The following ROBO1 variants were observed in gnomAD, a reference collection of about 807,000 sequenced individuals.
ROBO1 encodes the protein roundabout homolog 1.
ROBO1 carries 149 observed loss-of-function variants against 195.9 expected under a neutral mutation model. The ratio of observed to expected loss-of-function variants is 0.76; its 90% CI spans 0.67 to 0.87. The LOEUF (loss-of-function observed/expected upper bound fraction) is 0.87. Ranked by LOEUF, ROBO1 falls within the 40% of genes least tolerant of loss-of-function variation. The probability of loss-of-function intolerance (pLI) is 0.00; values close to 1 mark genes in which losing one functional copy is unlikely to be tolerated. For synonymous variants in ROBO1, 816 were observed against 733.2 expected (o/e 1.11, Z -1.82); for missense variants, 1,933 against 2,068.3 (o/e 0.93, Z 1.27).
chr3:78,933,431 TC>T (rs916488726), intron 4 of ROBO1, among the ~76,000 whole-genome samples: 1 of 152,154 alleles, frequency 6.6e-6, no homozygotes, highest in African/African-American at 2.4e-5. Flanking sequence ...TCTGCTTTTT[TC>T]CCATCAAATA....
chr3:79,433,248 T>G (rs193254683), intron 2 of ROBO1, among the ~76,000 whole-genome samples: 74 of 152,260 alleles, frequency 4.9e-4, no homozygotes, highest in Admixed American at 4.6e-4. Flanking sequence ...TTCTCATCAT[T>G]CAGCTCCCAC....
intron 2 of ROBO1, among the ~76,000 whole-genome samples, chr3:79,523,472 CTTT>C (rs11357932): frequency 3.0e-5 from 3 of 100,434 alleles, no homozygotes; most frequent in Non-Finnish European, 3.8e-5. Flanking sequence ...TTTTTTTTTT[CTTT>C]TTTTTTTTTT....
chr3:78,625,286 A>C (rs1333530315), intron 26 of ROBO1, among the ~76,000 whole-genome samples: 1 of 152,214 alleles, frequency 6.6e-6, no homozygotes, highest in Non-Finnish European at 1.5e-5. Flanking sequence ...GCTAGGAAAA[A>C]ACTAAATAGG....
intron 4 of ROBO1, among the ~76,000 whole-genome samples, chr3:78,816,819 ACTT>A (rs2030006043): frequency 6.6e-6 from 1 of 152,072 alleles, no homozygotes; most frequent in South Asian, 2.1e-4. Flanking sequence ...ATGAAGAGTC[ACTT>A]CTTATGGATA....
chr3:79,390,103 A>G (rs1319651100), intron 2 of ROBO1, among the ~76,000 whole-genome samples: 1 of 152,142 alleles, frequency 6.6e-6, no homozygotes, highest in Non-Finnish European at 1.5e-5. Flanking sequence ...TCAATAAAAA[A>G]TTCTATATTT....
chr3:79,606,286 T>G (rs1268261329), intron 1 of ROBO1, among the ~76,000 whole-genome samples: 1 of 151,898 alleles, frequency 6.6e-6, no homozygotes, highest in Admixed American at 6.6e-5. Context: ...AGGATTCGGC[T>G]CCCTCATGTG....
At chr3:79,331,958 C>G (rs1049899120) in intron 2 of ROBO1, among the ~76,000 whole-genome samples, 1 of 151,956 alleles carries the variant, frequency 6.6e-6, no homozygotes, top group African/African-American at 2.4e-5. Flanking sequence ...CTGGCTAACA[C>G]GGTGAAACCC....
At chr3:79,513,895 T>C (rs1461937958) in intron 2 of ROBO1, among the ~76,000 whole-genome samples, 1 of 152,242 alleles carries the variant, frequency 6.6e-6, no homozygotes, top group Non-Finnish European at 1.5e-5. Context: ...TGAACATTTT[T>C]ATCCTTTTAT....
intron 2 of ROBO1, among the ~76,000 whole-genome samples, chr3:79,156,146 G>A (rs1337962104): frequency 1.3e-5 from 2 of 151,462 alleles, no homozygotes; most frequent in Non-Finnish European, 3.0e-5. Context: ...ATGGAATTCC[G>A]TTTATTCTGC....
At chr3:79,041,479 T>C (rs999019601) in intron 3 of ROBO1, among the ~76,000 whole-genome samples, 2 of 152,150 alleles carry the variant, frequency 1.3e-5, no homozygotes, top group African/African-American at 4.8e-5. Context: ...CAGAAACTTT[T>C]TTTTTTTTTG....
rs145315593 is a variant in ROBO1 at position 79,473,128 on chromosome 3, T to G, written c.88+116696A>C. Among the ~76,000 whole-genome samples the G allele has an allele frequency of 5.3e-5, 8 of 152,254 alleles. No individual in the cohort carries two copies. In the East Asian group the frequency reaches 1.5e-3, roughly 29 times the overall value. On this transcript the variant is annotated intron_variant, in intron 2 of 30. Coordinates refer to ENST00000464233, the MANE Select transcript of ROBO1 (RefSeq NM_002941.4). ...AAAGTAAAGTCTTTGCAGACATAAT[T>G]AAGATACAGGTGTCTTGTGTTTAAG... is the stretch of plus-strand genomic sequence containing the variant.
intron 2 of ROBO1, chr3:79,508,101 T>C (rs1940503495): frequency 6.6e-6 from 1 of 151,722 alleles, no homozygotes. Flanking sequence ...CTGGGGCCTG[T>C]TGGGGGGTGG....
chr3:78,802,145 G>A (rs1285296004), intron 4 of ROBO1, among the ~76,000 whole-genome samples: 1 of 152,112 alleles, frequency 6.6e-6, no homozygotes, highest in African/African-American at 2.4e-5. Context: ...TGCATGAGAA[G>A]CAGAAAAGTT....
intron 1 of ROBO1, among the ~76,000 whole-genome samples, chr3:79,649,822 A>G (rs1945946740): frequency 6.6e-6 from 1 of 152,066 alleles, no homozygotes; most frequent in Admixed American, 6.6e-5. Flanking sequence ...AAAAACAGAA[A>G]GGCCAATATG....
At chr3:79,175,511 C>T (rs1193429735) in intron 2 of ROBO1, among the ~76,000 whole-genome samples, 2 of 152,174 alleles carry the variant, frequency 1.3e-5, no homozygotes, top group Non-Finnish European at 2.9e-5. Context: ...TATTGTTCTT[C>T]CTTCCTAACA....
chr3:79,751,300 T>G (rs945615263), intron 1 of ROBO1, among the ~76,000 whole-genome samples: 5 of 152,206 alleles, frequency 3.3e-5, no homozygotes, highest in African/African-American at 1.2e-4. Flanking sequence ...CTTGAATACA[T>G]GTAAATTCAG....
chr3:78,613,650 C>A (rs115624703), intron 28 of ROBO1, among the ~76,000 whole-genome samples: 1,992 of 152,252 alleles, frequency 0.013, 47 homozygotes, highest in African/African-American at 0.042. Flanking sequence ...CCACTCATTG[C>A]AAAATTACTT....
chr3:78,714,112 A>G (rs1211312996), intron 8 of ROBO1, among the ~76,000 whole-genome samples: 3 of 152,188 alleles, frequency 2.0e-5, no homozygotes, highest in Non-Finnish European at 4.4e-5. Flanking sequence ...TGGAGTTTAA[A>G]GCACATTCTT....
chr3:79,261,836 T>C (rs139623929), intron 2 of ROBO1, among the ~76,000 whole-genome samples: 230 of 152,212 alleles, frequency 1.5e-3, no homozygotes, highest in African/African-American at 5.3e-3. Context: ...AGAAATATAC[T>C]TCTGCCTAGT....
Sources: allele counts gnomAD v4.1 joint callset (sites outside exome capture counted in the v4.1 genomes callset), GRCh38; gene constraint gnomAD v4.1.1; transcripts MANE v1.5; gene names NCBI Gene and HGNC (gene_info 2026-07-23, HGNC 2026-07-21).